The following TAFA2 variants were observed in gnomAD, a reference collection of about 807,000 sequenced individuals.
The protein encoded by TAFA2 is TAFA chemokine like family member 2.
TAFA2 carries 7 observed loss-of-function variants against 18.8 expected under a neutral mutation model. The observed-to-expected ratio is 0.37, with a 90% CI of 0.21 to 0.70. The LOEUF is 0.70. Ranked by LOEUF, TAFA2 falls within the 30% of genes least tolerant of loss-of-function variation. The pLI, the probability that TAFA2 is intolerant of heterozygous loss-of-function variation, is 0.53. For missense variants in TAFA2, 122 were observed against 158.1 expected, an observed-to-expected ratio of 0.77 and a Z score of 1.23; for synonymous variants, 60 against 54.2, an observed-to-expected ratio of 1.11 and a Z score of -0.47.
At chr12:61,897,785 T>A (rs1022665459) in intron 1 of TAFA2, among the ~76,000 whole-genome samples, 2 of 152,180 alleles carry the variant, frequency 1.3e-5, no homozygotes, top group Admixed American at 6.5e-5. Context: ...AAGTCTCACA[T>A]ATTTTTTCAT....
At chr12:61,950,304 T>C (rs1002698287) in intron 1 of TAFA2, among the ~76,000 whole-genome samples, 4 of 152,132 alleles carry the variant, frequency 2.6e-5, no homozygotes, top group East Asian at 1.9e-4. Flanking sequence ...CTGGATAATA[T>C]GTTAGTTTTA....
chr12:62,077,580 A>G (rs948601731), intron 1 of TAFA2, among the ~76,000 whole-genome samples: 12 of 152,340 alleles, frequency 7.9e-5, no homozygotes, highest in African/African-American at 2.9e-4. Flanking sequence ...AAGGCTATGC[A>G]ACAGGTATTA....
intron 1 of TAFA2, among the ~76,000 whole-genome samples, chr12:61,985,519 G>A (rs1338779781): frequency 6.6e-6 from 1 of 152,272 alleles, no homozygotes; most frequent in East Asian, 1.9e-4. Flanking sequence ...TATCTCCAGT[G>A]AGAAGTCAAA....
At chr12:62,174,740 CT>C (rs1346992697) in intron 1 of TAFA2, among the ~76,000 whole-genome samples, 3 of 152,110 alleles carry the variant, frequency 2.0e-5, no homozygotes, top group Non-Finnish European at 4.4e-5. Flanking sequence ...TAATGAAACC[CT>C]TAATCTTTAC....
intron 1 of TAFA2, among the ~76,000 whole-genome samples, chr12:62,101,065 G>T (rs1371632451): frequency 1.3e-5 from 2 of 152,006 alleles, no homozygotes; most frequent in Non-Finnish European, 2.9e-5. Context: ...CAAGCACTCA[G>T]AATGCAGAAA....
intron 2 of TAFA2, among the ~76,000 whole-genome samples, chr12:61,795,713 C>T (rs992689680): frequency 6.7e-6 from 1 of 148,792 alleles, no homozygotes; most frequent in Non-Finnish European, 1.5e-5. Flanking sequence ...TACCCTAGAA[C>T]TTAAAGTGTA....
intron 2 of TAFA2, among the ~76,000 whole-genome samples, chr12:61,773,690 T>G (rs1213355378): frequency 2.0e-5 from 3 of 152,018 alleles, no homozygotes; most frequent in Non-Finnish European, 4.4e-5. Flanking sequence ...TCTCACCTTA[T>G]ACAAAAATTA....
chr12:62,170,826 G>A (rs914560194), intron 1 of TAFA2, among the ~76,000 whole-genome samples: 1 of 152,008 alleles, frequency 6.6e-6, no homozygotes, highest in Admixed American at 6.6e-5. Context: ...TCTACACTCT[G>A]TGTTCATGTG....
chr12:62,062,607 G>T (rs1308456296), intron 1 of TAFA2, among the ~76,000 whole-genome samples: 2 of 152,098 alleles, frequency 1.3e-5, no homozygotes, highest in African/African-American at 2.4e-5. Context: ...TTCTGTTGTT[G>T]CCATAACAAA....
At chr12:62,088,943 C>G (rs1371232658) in intron 1 of TAFA2, among the ~76,000 whole-genome samples, 1 of 151,822 alleles carries the variant, frequency 6.6e-6, no homozygotes, top group East Asian at 1.9e-4. Context: ...CGCGCGCACG[C>G]ATCTGTCTCA....
At chr12:61,735,025 G>T (rs192530809) in intron 4 of TAFA2, among the ~76,000 whole-genome samples, 151 of 152,088 alleles carry the variant, frequency 9.9e-4, no homozygotes, top group Middle Eastern at 3.4e-3. Flanking sequence ...TAAAGTTCTT[G>T]GAGTTGTTTG....
intron 1 of TAFA2, chr12:62,104,833 A>G: frequency 2.8e-6 from 1 of 357,714 alleles, no homozygotes; most frequent in Non-Finnish European, 5.6e-6. Context: ...GGTGATTTTG[A>G]GGCTCAAGTT....
intron 1 of TAFA2, among the ~76,000 whole-genome samples, chr12:62,042,433 G>T (rs1325959167): frequency 3.6e-5 from 1 of 27,602 alleles, no homozygotes; most frequent in African/African-American, 9.5e-5. Flanking sequence ...GTGTGTGCGC[G>T]TGTGTGTGTG....
chr12:61,739,027 G>A (rs1352684330), intron 4 of TAFA2, among the ~76,000 whole-genome samples: 2 of 152,148 alleles, frequency 1.3e-5, no homozygotes, highest in Middle Eastern at 3.4e-3. Flanking sequence ...TACTTGGCCA[G>A]AAACTGTTTT....
At chr12:62,156,395 T>C (rs569318892) in intron 1 of TAFA2, among the ~76,000 whole-genome samples, 2 of 152,180 alleles carry the variant, frequency 1.3e-5, no homozygotes, top group East Asian at 3.9e-4. Context: ...GGAGATTTCT[T>C]AAAGAACTAA....
chr12:62,110,329 G>A (rs995893599), intron 1 of TAFA2, among the ~76,000 whole-genome samples: 6 of 152,008 alleles, frequency 3.9e-5, no homozygotes, highest in Admixed American at 6.6e-5. Context: ...AGATGAAGCC[G>A]ACTTGATGGT....
intron 1 of TAFA2, among the ~76,000 whole-genome samples, chr12:61,929,627 C>A (rs7484504): frequency 0.31 from 46,776 of 150,942 alleles, 7,610 homozygotes; most frequent in East Asian, 0.5. Flanking sequence ...ACTAGAAATA[C>A]CATTTGACCC....
chr12:61,798,352 A>C (rs576603473), intron 2 of TAFA2, among the ~76,000 whole-genome samples: 2 of 152,172 alleles, frequency 1.3e-5, no homozygotes, highest in African/African-American at 4.8e-5. Flanking sequence ...TTATACTTTA[A>C]GTTCTGGAAT....
chr12:61,884,556 T>C (rs553461524), intron 1 of TAFA2, among the ~76,000 whole-genome samples: 29 of 152,176 alleles, frequency 1.9e-4, no homozygotes, highest in Non-Finnish European at 3.2e-4. Context: ...TCTCAGAATT[T>C]ATCGTTAATC....
Sources: allele counts gnomAD v4.1 joint callset (sites outside exome capture counted in the v4.1 genomes callset), GRCh38; gene constraint gnomAD v4.1.1; transcripts MANE v1.5; gene names NCBI Gene and HGNC (gene_info 2026-07-23, HGNC 2026-07-21).